Variants in EEF1E1 observed in about 807,000 individuals in gnomAD.
EEF1E1 encodes eukaryotic translation elongation factor 1 epsilon-1.
EEF1E1 carries 19 observed loss-of-function variants against 19.9 expected under a neutral mutation model. That is an observed-to-expected ratio of 0.95 (90% CI 0.66 to 1.40). The LOEUF is 1.40. EEF1E1 is among the 40% of genes most tolerant of loss of function. The pLI is 0.00. For missense variants in EEF1E1, 198 were observed against 202.2 expected (o/e 0.98, Z 0.13); for synonymous variants, 81 against 80.0 (o/e 1.01, Z -0.07).
intron 3 of EEF1E1, among the ~76,000 whole-genome samples, chr6:8,084,660 T>C (rs1342985858): frequency 6.6e-6 from 1 of 152,222 alleles, no homozygotes; most frequent in African/African-American, 2.4e-5. Flanking sequence ...ATGATATTTT[T>C]CCTAATATAA....
chr6:8,079,723 G>A lies in EEF1E1; in HGVS notation c.*167C>T, dbSNP rs558275648. ...TTGACATAAAAATTGCAAAACTTCA[G>A]CTAAAGAACAAATAAAACATTCAGA... On this transcript the variant is annotated 3_prime_UTR_variant, in exon 4 of 4. Transcript: ENST00000379715. The A allele has an allele frequency of 3.5e-4, 443 of 1,276,052 alleles. 4 individuals carry two copies. In the African/African-American group the frequency reaches 6.1e-3, roughly 18 times the overall value. The allele number at this position is 1,276,052 out of a possible 1,614,324, so 79.0% of individuals were successfully genotyped here.
intron 2 of EEF1E1, among the ~76,000 whole-genome samples, chr6:8,093,123 C>T (rs1259121278): frequency 2.0e-5 from 3 of 151,946 alleles, no homozygotes; most frequent in Non-Finnish European, 2.9e-5. Flanking sequence ...CAGCCTGCCT[C>T]GGCCTCCCAA....
chr6:8,099,789 C>CA (rs1480435847), intron 1 of EEF1E1, among the ~76,000 whole-genome samples: 28 of 89,542 alleles, frequency 3.1e-4, no homozygotes, highest in African/African-American at 4.2e-4. Context: ...CACACACACA[C>CA]ACAAAAAAAA....
At chr6:8,076,495 T>C (rs940485962), downstream of EEF1E1, among the ~76,000 whole-genome samples, 4 of 150,990 alleles carry the variant, frequency 2.6e-5, no homozygotes, top group Non-Finnish European at 5.9e-5. Context: ...GGCTAATTTT[T>C]TGTATTTTTA....
downstream of EEF1E1, among the ~76,000 whole-genome samples, chr6:8,076,334 C>G (rs1441130609): frequency 6.6e-6 from 1 of 152,010 alleles, no homozygotes; most frequent in African/African-American, 2.4e-5. Context: ...GTCTCAATTT[C>G]TTTCTTTGAG....
At chr6:8,077,165 G>T (rs149214145), downstream of EEF1E1, among the ~76,000 whole-genome samples, 1 of 151,444 alleles carries the variant, frequency 6.6e-6, no homozygotes, top group African/African-American at 2.4e-5. Context: ...GGATTGTCTC[G>T]ATCTCCTGAC....
chr6:8,081,445 A>G (rs1194137341), intron 3 of EEF1E1, among the ~76,000 whole-genome samples: 2 of 152,240 alleles, frequency 1.3e-5, no homozygotes, highest in African/African-American at 2.4e-5. Context: ...TTTCACATGA[A>G]AGAATTACAT....
intron 1 of EEF1E1, 28 bp from the exon 2 acceptor site, chr6:8,097,495 T>C (rs1758206900): frequency 6.3e-6 from 10 of 1,584,382 alleles, no homozygotes; most frequent in Non-Finnish European, 8.6e-6. Context: ...GTTCACAGAA[T>C]TTAAAAAACA....
intron 3 of EEF1E1, among the ~76,000 whole-genome samples, chr6:8,087,651 C>G (rs1757898300): frequency 6.6e-6 from 1 of 152,222 alleles, no homozygotes; most frequent in Admixed American, 6.5e-5. Context: ...CTGTGCCTGT[C>G]TGAGTTGATT....
chr6:8,095,905 G>A (rs1478993547), intron 2 of EEF1E1, among the ~76,000 whole-genome samples: 1 of 152,114 alleles, frequency 6.6e-6, no homozygotes, highest in Non-Finnish European at 1.5e-5. Flanking sequence ...TTCTATAAGG[G>A]CAGAAACTGT....
chr6:8,090,392 A>G (rs1757984730), intron 2 of EEF1E1, 111 bp from the exon 3 acceptor site: 2 of 712,500 alleles, frequency 2.8e-6, no homozygotes, highest in Non-Finnish European at 4.0e-6. Context: ...AAATATTGCC[A>G]TTTAATAAAT....
At chr6:8,099,781 C>G (rs865836767) in intron 1 of EEF1E1, among the ~76,000 whole-genome samples, 2 of 102,092 alleles carry the variant, frequency 2.0e-5, no homozygotes, top group African/African-American at 9.4e-5. Context: ...CACACACACA[C>G]ACACACACAC....
intron 3 of EEF1E1, 100 bp from the exon 4 acceptor site, chr6:8,080,130 A>ATT: frequency 7.5e-7 from 1 of 1,339,098 alleles, no homozygotes; most frequent in South Asian, 1.3e-5. Flanking sequence ...AAACAACAAC[A>ATT]TCAATCCCCC....
At chr6:8,081,385 G>A (rs1275315040) in intron 3 of EEF1E1, among the ~76,000 whole-genome samples, 2 of 152,186 alleles carry the variant, frequency 1.3e-5, no homozygotes, top group African/African-American at 4.8e-5. Context: ...AACTGGTCAA[G>A]TATGTCTTTT....
At chr6:8,086,727 A>G (rs1005378072) in intron 3 of EEF1E1, among the ~76,000 whole-genome samples, 1 of 152,178 alleles carries the variant, frequency 6.6e-6, no homozygotes, top group Non-Finnish European at 1.5e-5. Context: ...CTTCTTAGTG[A>G]TGAGGTACAG....
chr6:8,081,490 T>C (rs1348954620), intron 3 of EEF1E1, among the ~76,000 whole-genome samples: 1 of 152,216 alleles, frequency 6.6e-6, no homozygotes, highest in Non-Finnish European at 1.5e-5. Context: ...GAAAGGAGCA[T>C]CTACCTGTCA....
chr6:8,101,658 C>T (rs1758367834), intron 1 of EEF1E1: 1 of 967,400 alleles, frequency 1.0e-6, no homozygotes, highest in Non-Finnish European at 1.3e-6. Context: ...AACATATATC[C>T]AAAGTAGTCT....
intron 1 of EEF1E1, among the ~76,000 whole-genome samples, chr6:8,100,174 G>A (rs1179644057): frequency 2.6e-5 from 4 of 152,196 alleles, no homozygotes; most frequent in Non-Finnish European, 5.9e-5. Flanking sequence ...AGTCTTCACA[G>A]TTGGGCCTCA....
chr6:8,101,155 G>A (rs1288314682), intron 1 of EEF1E1, among the ~76,000 whole-genome samples: 26 of 142,630 alleles, frequency 1.8e-4, no homozygotes, highest in African/African-American at 6.9e-4. Flanking sequence ...GAACCCGGGA[G>A]GCAGAGGTTG....
Sources: gnomAD v4.1 joint callset for allele counts (sites outside exome capture counted in the v4.1 genomes callset) on GRCh38, gnomAD v4.1.1 for gene constraint, MANE v1.5 for transcripts, NCBI Gene and HGNC (gene_info 2026-07-23, HGNC 2026-07-21) for gene names.